Variants in CENPP observed in about 807,000 individuals in gnomAD.
CENPP encodes the protein centromere protein P.
In CENPP, 24 loss-of-function variants were observed where a neutral mutation model predicts 35.6. The ratio of observed to expected loss-of-function variants is 0.67; its 90% CI spans 0.49 to 0.95. CENPP has a LOEUF of 0.95. Ranked by LOEUF, CENPP falls within the 40% of genes least tolerant of loss-of-function variation. The pLI is 0.00. For missense variants in CENPP, 332 were observed against 345.3 expected (o/e 0.96, Z 0.31); for synonymous variants, 120 against 125.5 (o/e 0.96, Z 0.29).
chr9:92,440,561 G>A (rs566376499), intron 5 of CENPP, among the ~76,000 whole-genome samples: 1 of 152,060 alleles, frequency 6.6e-6, no homozygotes, highest in Admixed American at 6.6e-5. Flanking sequence ...AATAAGGAAA[G>A]AAAAAGAATG....
At chr9:92,539,851 A>G (rs987414160) in intron 5 of CENPP, among the ~76,000 whole-genome samples, 1 of 152,188 alleles carries the variant, frequency 6.6e-6, no homozygotes, top group Non-Finnish European at 1.5e-5. Flanking sequence ...CCATTCCCCT[A>G]TTGATGGACA....
intron 5 of CENPP, chr9:92,460,613 C>T (rs1845072632): frequency 8.6e-7 from 1 of 1,162,218 alleles, no homozygotes; most frequent in Non-Finnish European, 1.3e-6. Context: ...ATCACTAAGC[C>T]CAATTGACTA....
intron 5 of CENPP, among the ~76,000 whole-genome samples, chr9:92,605,978 G>C (rs1018132230): frequency 6.6e-6 from 1 of 152,138 alleles, no homozygotes; most frequent in Non-Finnish European, 1.5e-5. Context: ...AATAGGCAAA[G>C]GGGCCAGGCG....
At chr9:92,540,133 T>A (rs1849282614) in intron 5 of CENPP, among the ~76,000 whole-genome samples, 1 of 152,170 alleles carries the variant, frequency 6.6e-6, no homozygotes, top group Non-Finnish European at 1.5e-5. Flanking sequence ...AACCTTCCCA[T>A]TGAAGTAAGA....
At chr9:92,573,832 G>A (rs1850212296) in intron 5 of CENPP, among the ~76,000 whole-genome samples, 1 of 152,250 alleles carries the variant, frequency 6.6e-6, no homozygotes, top group Non-Finnish European at 1.5e-5. Context: ...CGGCCGCCTT[G>A]CAGTTGGATC....
chr9:92,470,720 A>G, intron 5 of CENPP: 1 of 1,598,964 alleles, frequency 6.3e-7, no homozygotes, highest in Non-Finnish European at 8.5e-7. Flanking sequence ...CCTTAATTTT[A>G]TTGTTTTGAA....
Position 92,461,366 on chromosome 9 carries a change from G to A in CENPP, c.564+81507G>A, listed in dbSNP as rs539739979. Among the ~76,000 whole-genome samples, 11 of 152,114 alleles carry A rather than the reference G, an allele frequency of 7.2e-5. No homozygotes were observed. The East Asian group carries it at 7.7e-4, about 11-fold the overall frequency. ...AAGTTTCCCCACTTGTCTCAAATAC[G>A]TCATTTTACAGTTGATTTGTTCAAG... On this transcript the variant is annotated intron_variant, in intron 5 of 7. Transcript: ENST00000375587.
chr9:92,596,715 T>C (rs1377324896), intron 5 of CENPP, among the ~76,000 whole-genome samples: 1 of 151,900 alleles, frequency 6.6e-6, no homozygotes, highest in Non-Finnish European at 1.5e-5. Context: ...GTCCCCGCCA[T>C]GACAGCAGCC....
chr9:92,348,588 C>T (rs1467646529), intron 4 of CENPP, among the ~76,000 whole-genome samples: 1 of 151,998 alleles, frequency 6.6e-6, no homozygotes, highest in East Asian at 2.0e-4. Context: ...GACGGGGTTT[C>T]ACCATGTTGG....
At position 92,619,612 on chromosome 9, in the gene CENPP, G is replaced by GC. The variant is rs540889300; in HGVS notation, c.*6470dup. 846 of 1,482,702 alleles carry GC rather than the reference G, an allele frequency of 5.7e-4. 1 individual carries two copies. The highest frequency in any genetic ancestry group is 3.1e-3 in the Admixed American group (156 of 50,946). 91.8% of individuals were successfully genotyped at this position (1,482,702 alleles called of 1,614,324 possible). On this transcript the variant is annotated 3_prime_UTR_variant, in exon 8 of 8. Coordinates refer to ENST00000375587, the MANE Select transcript of CENPP (RefSeq NM_001012267.3). The stretch of plus-strand genomic sequence containing the variant: ...GCTCCAGGTCACACAGGAAGCCTCT[G>GC]CCCCCCCACACAACCTTCCTTCCCA...
At chr9:92,466,848 C>T (rs1051787662) in intron 5 of CENPP, among the ~76,000 whole-genome samples, 2 of 152,142 alleles carry the variant, frequency 1.3e-5, no homozygotes, top group African/African-American at 4.8e-5. Flanking sequence ...TATGGCTAAG[C>T]CTTCAACCTC....
At chr9:92,385,617 A>T (rs773042771) in intron 5 of CENPP, 1 of 1,612,236 alleles carries the variant, frequency 6.2e-7, no homozygotes, top group East Asian at 2.2e-5. Context: ...GTACCAATAG[A>T]GGTTAAAAGT....
chr9:92,547,064 T>A (rs1348546742), intron 5 of CENPP, among the ~76,000 whole-genome samples: 1 of 152,166 alleles, frequency 6.6e-6, no homozygotes, highest in Non-Finnish European at 1.5e-5. Context: ...CAACAATATA[T>A]AAATAATATA....
At chr9:92,451,229 G>C (rs1844700074) in intron 5 of CENPP, among the ~76,000 whole-genome samples, 1 of 149,842 alleles carries the variant, frequency 6.7e-6, no homozygotes, top group African/African-American at 2.5e-5. Flanking sequence ...TATGGTTTTA[G>C]GTCTAACGTT....
intron 5 of CENPP, among the ~76,000 whole-genome samples, chr9:92,411,896 A>G (rs1843453488): frequency 6.6e-6 from 1 of 152,178 alleles, no homozygotes; most frequent in Non-Finnish European, 1.5e-5. Flanking sequence ...TGTGAAAGTT[A>G]TGGTATCTGT....
At chr9:92,572,370 A>C (rs979979367) in intron 5 of CENPP, among the ~76,000 whole-genome samples, 1 of 152,164 alleles carries the variant, frequency 6.6e-6, no homozygotes, top group Non-Finnish European at 1.5e-5. Flanking sequence ...CTGGATATGA[A>C]ATTCTGGGTT....
At chr9:92,386,200 C>G in intron 5 of CENPP, 1 of 1,591,390 alleles carries the variant, frequency 6.3e-7, no homozygotes. Flanking sequence ...AACTATCATA[C>G]CTGAAGATGA....
intron 5 of CENPP, among the ~76,000 whole-genome samples, chr9:92,468,684 A>G (rs1845402678): frequency 6.6e-6 from 1 of 152,230 alleles, no homozygotes; most frequent in African/African-American, 2.4e-5. Context: ...ATTGTGTGGT[A>G]TACCTACAAT....
At chr9:92,571,628 A>G (rs565275362) in intron 5 of CENPP, among the ~76,000 whole-genome samples, 60 of 152,034 alleles carry the variant, frequency 3.9e-4, no homozygotes, top group Non-Finnish European at 8.1e-4. Context: ...CAATTCCTGG[A>G]TATCCTTGTT....
Sources: allele counts gnomAD v4.1 joint callset (sites outside exome capture counted in the v4.1 genomes callset), GRCh38; gene constraint gnomAD v4.1.1; transcripts MANE v1.5; gene names NCBI Gene and HGNC (gene_info 2026-07-23, HGNC 2026-07-21).